DRC8: variants seen among roughly 807,000 people sequenced by gnomAD.
DRC8 encodes dynein regulatory complex protein 8.
chr1:245,067,850 G>T, the DRC8 span, among the ~76,000 whole-genome samples: 2 of 152,158 alleles, frequency 1.3e-5, no homozygotes, highest in African/African-American at 4.8e-5. Context: ...GAAGTAGTTG[G>T]TGATATGAAA....
At chr1:245,065,747 G>A in the DRC8 span, among the ~76,000 whole-genome samples, 2 of 151,736 alleles carry the variant, frequency 1.3e-5, no homozygotes. Flanking sequence ...GGAATCACCC[G>A]CATCGGAGTG....
At chr1:245,007,141 T>C in the DRC8 span, among the ~76,000 whole-genome samples, 1 of 152,114 alleles carries the variant, frequency 6.6e-6, no homozygotes, top group Admixed American at 6.6e-5. Context: ...AGTAGTAGTT[T>C]TTAATATGAA....
the DRC8 span, chr1:245,087,443 C>T: frequency 6.8e-7 from 1 of 1,473,250 alleles, no homozygotes; most frequent in Non-Finnish European, 8.9e-7. Flanking sequence ...TCTTAGGATT[C>T]CTATATGTGA....
At chr1:245,006,277 A>G in the DRC8 span, among the ~76,000 whole-genome samples, 3,338 of 151,186 alleles carry the variant, frequency 0.022, 140 homozygotes, top group African/African-American at 0.077. Flanking sequence ...GGAAGTGACT[A>G]CATTAATTTA....
chr1:244,994,580 C>T, the DRC8 span, among the ~76,000 whole-genome samples: 82,589 of 151,862 alleles, frequency 0.54, 24,250 homozygotes, highest in East Asian at 0.75. Flanking sequence ...TAGGTGCATG[C>T]CACCATGCCT....
At chr1:245,050,272 C>T in the DRC8 span, among the ~76,000 whole-genome samples, 2 of 151,718 alleles carry the variant, frequency 1.3e-5, no homozygotes, top group African/African-American at 2.4e-5. Flanking sequence ...CGGATTTTCG[C>T]TCTTGTTAGT....
At chr1:245,040,861 G>A in the DRC8 span, among the ~76,000 whole-genome samples, 1 of 152,156 alleles carries the variant, frequency 6.6e-6, no homozygotes, top group Non-Finnish European at 1.5e-5. Flanking sequence ...TTAGAATATA[G>A]CAATGAAAGC....
chr1:245,110,687 A>G, the DRC8 span, among the ~76,000 whole-genome samples: 1 of 152,282 alleles, frequency 6.6e-6, no homozygotes, highest in Non-Finnish European at 1.5e-5. Context: ...AGGCAAAAAC[A>G]TACAAACAAA....
the DRC8 span, among the ~76,000 whole-genome samples, chr1:244,973,514 C>T: frequency 2.6e-5 from 4 of 152,304 alleles, no homozygotes; most frequent in South Asian, 8.3e-4. Context: ...GCATTCCTAG[C>T]TATTTTCCCC....
At chr1:244,976,934 C>T in the DRC8 span, among the ~76,000 whole-genome samples, 4 of 152,182 alleles carry the variant, frequency 2.6e-5, no homozygotes, top group Non-Finnish European at 4.4e-5. Context: ...GTGGTATATA[C>T]GTGTAGTGAA....
the DRC8 span, among the ~76,000 whole-genome samples, chr1:245,037,398 C>G: frequency 6.6e-6 from 1 of 152,120 alleles, no homozygotes; most frequent in African/African-American, 2.4e-5. Flanking sequence ...AGGATCATCT[C>G]TATAGAGGCA....
the DRC8 span, among the ~76,000 whole-genome samples, chr1:245,055,684 T>TA: frequency 6.6e-6 from 1 of 152,176 alleles, no homozygotes; most frequent in South Asian, 2.1e-4. Flanking sequence ...TGTAACTCAT[T>TA]ACCAACTGAT....
chr1:245,067,464 C>T, the DRC8 span, among the ~76,000 whole-genome samples: 48 of 152,276 alleles, frequency 3.2e-4, no homozygotes, highest in Non-Finnish European at 2.9e-5. Context: ...GTGATAAATA[C>T]TCCCCAGTAA....
At chr1:245,000,082 G>A in the DRC8 span, among the ~76,000 whole-genome samples, 1 of 152,216 alleles carries the variant, frequency 6.6e-6, no homozygotes, top group Non-Finnish European at 1.5e-5. Context: ...GCCTCCCAGG[G>A]TGCTGGGATT....
At chr1:245,090,775 G>T in the DRC8 span, among the ~76,000 whole-genome samples, 2 of 151,682 alleles carry the variant, frequency 1.3e-5, no homozygotes, top group African/African-American at 4.8e-5. Flanking sequence ...ATGACCGTCT[G>T]TCCTGCTTTG....
At chr1:244,985,647 C>T in the DRC8 span, among the ~76,000 whole-genome samples, 12 of 152,054 alleles carry the variant, frequency 7.9e-5, no homozygotes, top group Admixed American at 3.3e-4. Flanking sequence ...GCAGATCACT[C>T]GAGGCCAGGA....
chr1:245,059,571 G>C, the DRC8 span: 5 of 751,990 alleles, frequency 6.6e-6, no homozygotes, highest in Non-Finnish European at 8.6e-6. Context: ...ACTACTGAAT[G>C]TGCTCAGTGG....
At chr1:245,030,994 G>A in the DRC8 span, among the ~76,000 whole-genome samples, 3 of 152,196 alleles carry the variant, frequency 2.0e-5, no homozygotes, top group Non-Finnish European at 2.9e-5. Context: ...TAGGGAGGCA[G>A]GTCCAATGGT....
At chr1:245,032,761 G>A in the DRC8 span, among the ~76,000 whole-genome samples, 2 of 152,204 alleles carry the variant, frequency 1.3e-5, no homozygotes, top group Non-Finnish European at 2.9e-5. Flanking sequence ...GGGCCATTCA[G>A]TGAATGATCT....
Sources: gnomAD v4.1 joint callset for allele counts (sites outside exome capture counted in the v4.1 genomes callset) on GRCh38, gnomAD v4.1.1 for gene constraint, MANE v1.5 for transcripts, NCBI Gene and HGNC (gene_info 2026-07-23, HGNC 2026-07-21) for gene names.